The following MTUS2 variants were observed in gnomAD, a reference collection of about 807,000 sequenced individuals.
The protein encoded by MTUS2 is microtubule-associated tumor suppressor candidate 2.
A neutral mutation model predicts 114.1 loss-of-function variants in MTUS2; 40 were observed. The observed-to-expected ratio is 0.35, with a 90% confidence interval of 0.27 to 0.46. The LOEUF (loss-of-function observed/expected upper bound fraction) is 0.46, where lower values mean the gene tolerates loss of function less well. MTUS2 is among the 20% of genes least tolerant of loss of function. The pLI is 1.00. For synonymous variants in MTUS2, 688 were observed against 672.0 expected, an observed-to-expected ratio of 1.02 and a Z score of -0.37; for missense variants, 1,679 against 1,705.4, an observed-to-expected ratio of 0.98 and a Z score of 0.27.
chr13:28,942,764 T>A (rs973899972), intron 2 of MTUS2, among the ~76,000 whole-genome samples: 7 of 152,028 alleles, frequency 4.6e-5, no homozygotes, highest in Admixed American at 2.6e-4. Flanking sequence ...ACAACTCTGG[T>A]GTGTTAAAGG....
At chr13:29,453,199 C>T (rs1878856499) in intron 9 of MTUS2, among the ~76,000 whole-genome samples, 1 of 152,198 alleles carries the variant, frequency 6.6e-6, no homozygotes. Context: ...TAACGTGTTA[C>T]AGATATAACC....
At chr13:28,880,895 T>C (rs1392172041) in intron 2 of MTUS2, among the ~76,000 whole-genome samples, 1 of 152,222 alleles carries the variant, frequency 6.6e-6, no homozygotes, top group East Asian at 1.9e-4. Flanking sequence ...TCATTTGTTT[T>C]TATGAGTATT....
intron 9 of MTUS2, among the ~76,000 whole-genome samples, chr13:29,462,991 G>A (rs1297647091): frequency 6.6e-6 from 1 of 152,118 alleles, no homozygotes; most frequent in Non-Finnish European, 1.5e-5. Flanking sequence ...GATGGGGAGA[G>A]TATCCTTTGG....
chr13:29,307,452 TGG>T lies in MTUS2; in HGVS notation c.2807-17159_2807-17158del, dbSNP rs368539703. 1.2e-3 allele frequency: 1,616 copies of T among 1,318,400 alleles called. 17 individuals carry two copies. The African/African-American group carries it at 0.021, about 17-fold the overall frequency. The allele number at this position is 1,318,400 out of a possible 1,614,324, so 81.7% of individuals were successfully genotyped here. The stretch of plus-strand genomic sequence containing the variant: ...TGGCCAAGGTCATCCCTGAGCTGAA[TGG>T]GAAGCTCACTGGCATGGCCTTCTGT... On this transcript the variant is annotated intron_variant, in intron 6 of 15. Coordinates refer to ENST00000612955, the MANE Select transcript of MTUS2 (RefSeq NM_001033602.4).
At chr13:29,019,743 C>A (rs1054835862) in intron 2 of MTUS2, among the ~76,000 whole-genome samples, 1 of 152,208 alleles carries the variant, frequency 6.6e-6, no homozygotes, top group African/African-American at 2.4e-5. Flanking sequence ...GGAAGGCTTG[C>A]TTTCTTATGA....
intron 7 of MTUS2, among the ~76,000 whole-genome samples, chr13:29,357,308 G>A (rs974695808): frequency 6.6e-6 from 1 of 152,200 alleles, no homozygotes; most frequent in African/African-American, 2.4e-5. Flanking sequence ...ACGTCCACAA[G>A]CTCAGAGGTG....
chr13:29,282,836 A>G (rs914693637), intron 6 of MTUS2, among the ~76,000 whole-genome samples: 1 of 152,024 alleles, frequency 6.6e-6, no homozygotes, highest in Non-Finnish European at 1.5e-5. Flanking sequence ...TGCTTTCCTT[A>G]CTCAATGTAG....
At position 29,503,291 on chromosome 13, in the gene MTUS2, T is replaced by A; in HGVS notation, c.*85T>A. 2 of 1,487,040 alleles carry A rather than the reference T, an allele frequency of 1.3e-6. No individual in the cohort carries two copies. Among genetic ancestry groups the A allele is most frequent in the Non-Finnish European group, 1.8e-6 (2 of 1,085,008 alleles). The allele number at this position is 1,487,040 out of a possible 1,614,324, so 92.1% of individuals were successfully genotyped here. A position where few individuals can be genotyped will look rare whatever the true frequency, so the allele number is the denominator to read the frequency against. On this transcript the variant is annotated 3_prime_UTR_variant, in exon 16 of 16. Transcript: ENST00000612955. The stretch of plus-strand genomic sequence containing the variant: ...AGCACCGACCCGGTGCCGCCGGAGC[T>A]GGCCCTGTGCGCATGCTCAGTAGCT...
chr13:28,916,196 A>G (rs182592864), intron 2 of MTUS2, among the ~76,000 whole-genome samples: 1 of 151,904 alleles, frequency 6.6e-6, no homozygotes, highest in East Asian at 1.9e-4. Flanking sequence ...TTTTGTTATG[A>G]TAGCTTGGTA....
chr13:29,314,563 C>A (rs868524142), intron 6 of MTUS2, among the ~76,000 whole-genome samples: 1 of 152,178 alleles, frequency 6.6e-6, no homozygotes. Flanking sequence ...TAAGAAGTTA[C>A]TGAAATATAT....
chr13:29,211,321 T>TG (rs1220982224), intron 5 of MTUS2, among the ~76,000 whole-genome samples: 2 of 152,264 alleles, frequency 1.3e-5, no homozygotes, highest in Admixed American at 1.3e-4. Flanking sequence ...ACTCCCACCA[T>TG]GTCCCCCCAA....
At chr13:28,938,236 G>T (rs1274461373) in intron 2 of MTUS2, among the ~76,000 whole-genome samples, 1 of 152,028 alleles carries the variant, frequency 6.6e-6, no homozygotes, top group Non-Finnish European at 1.5e-5. Flanking sequence ...ACAAAAATTA[G>T]CTGGGCATGG....
intron 2 of MTUS2, among the ~76,000 whole-genome samples, chr13:29,015,567 T>C (rs1329647926): frequency 6.6e-6 from 1 of 152,232 alleles, no homozygotes; most frequent in Admixed American, 6.5e-5. Context: ...GCATACCCGT[T>C]AACACAGGGA....
chr13:29,013,572 G>C (rs897720629), intron 2 of MTUS2, among the ~76,000 whole-genome samples: 2 of 152,178 alleles, frequency 1.3e-5, no homozygotes, highest in Non-Finnish European at 2.9e-5. Context: ...TGACAGATTT[G>C]AGTTTCCCAG....
intron 4 of MTUS2, chr13:29,072,272 A>G (rs1238695804): frequency 6.6e-6 from 1 of 152,060 alleles, no homozygotes; most frequent in East Asian, 1.9e-4. Context: ...TTTTAATTCT[A>G]CCTCTTACAA....
chr13:29,223,854 C>G (rs188741947), intron 5 of MTUS2, among the ~76,000 whole-genome samples: 11 of 152,318 alleles, frequency 7.2e-5, no homozygotes, highest in Admixed American at 7.2e-4. Context: ...TCCTTTTGTC[C>G]TCAAGCTTCC....
intron 6 of MTUS2, among the ~76,000 whole-genome samples, chr13:29,317,788 T>A (rs189424469): frequency 2.0e-5 from 3 of 152,344 alleles, no homozygotes; most frequent in African/African-American, 7.2e-5. Context: ...TTTGATATAT[T>A]CTGATCGAGA....
intron 5 of MTUS2, among the ~76,000 whole-genome samples, chr13:29,163,881 C>T (rs1429512664): frequency 2.0e-5 from 3 of 152,162 alleles, no homozygotes; most frequent in Admixed American, 6.5e-5. Flanking sequence ...TGTCTTCCTA[C>T]ACTCCAGAAA....
intron 6 of MTUS2, among the ~76,000 whole-genome samples, chr13:29,320,417 A>G (rs1018778056): frequency 6.6e-6 from 1 of 152,222 alleles, no homozygotes; most frequent in Non-Finnish European, 1.5e-5. Context: ...TGAAACTGCT[A>G]AGTGATAATT....
Sources: allele counts gnomAD v4.1 joint callset (sites outside exome capture counted in the v4.1 genomes callset), GRCh38; gene constraint gnomAD v4.1.1; transcripts MANE v1.5; gene names NCBI Gene and HGNC (gene_info 2026-07-23, HGNC 2026-07-21).